SCLT1: variants seen among roughly 807,000 people sequenced by gnomAD.
The protein encoded by SCLT1 is sodium channel-associated protein 1.
A neutral mutation model predicts 112.8 loss-of-function variants in SCLT1; 78 were observed. The observed-to-expected ratio is 0.69, with a 90% CI of 0.58 to 0.83. SCLT1 has a LOEUF of 0.83. Among genes scored for constraint, SCLT1 ranks in the 40% least tolerant of loss-of-function variants. SCLT1 has a pLI of 0.00. For synonymous variants in SCLT1, 257 were observed against 254.7 expected, an observed-to-expected ratio of 1.01 and a Z score of -0.09; for missense variants, 747 against 770.4, an observed-to-expected ratio of 0.97 and a Z score of 0.36.
At chr4:128,968,182 C>T (rs1006940995) in intron 10 of SCLT1, among the ~76,000 whole-genome samples, 21 of 152,114 alleles carry the variant, frequency 1.4e-4, no homozygotes, top group African/African-American at 4.1e-4. Context: ...CATCCCCCTC[C>T]CTTTGGCAGT....
intron 11 of SCLT1, among the ~76,000 whole-genome samples, chr4:128,964,143 C>T (rs2218814): frequency 0.73 from 111,486 of 152,056 alleles, 41,798 homozygotes; most frequent in African/African-American, 0.9. Context: ...ACCAGTGTCC[C>T]ATACTCAACA....
Position 128,992,227 on chromosome 4 carries a change from T to C in SCLT1, c.626A>G (p.Gln209Arg), listed in dbSNP as rs777011502. The change falls in exon 9 of 21, where the codon CAG becomes CGG. Residue 209 changes from glutamine to arginine, a missense_variant. Physicochemically the swap from Gln to Arg is conservative, Grantham distance 43 (BLOSUM62 1). Coordinates refer to ENST00000281142, the MANE Select transcript of SCLT1 (RefSeq NM_144643.4). Reference protein sequence around the residue: ...TNENMEVTNQQFLKTVTEQSV... With the variant: ...TNENMEVTNQRFLKTVTEQSV... ...TTGTTCAGTTACTGTTTTCAGAAACTGTTGGTTAGTCTGCCACAAGAAAAA... is the reference window on the plus strand; with the variant it reads ...TTGTTCAGTTACTGTTTTCAGAAACCGTTGGTTAGTCTGCCACAAGAAAAA... 2.5e-6 allele frequency: 4 copies of C among 1,597,762 alleles called. No homozygotes were observed. The highest frequency in any genetic ancestry group is 2.7e-5 in the African/African-American group (2 of 74,390).
chr4:128,897,101 A>G (rs1475142044), intron 18 of SCLT1, among the ~76,000 whole-genome samples: 1 of 152,220 alleles, frequency 6.6e-6, no homozygotes, highest in African/African-American at 2.4e-5. Context: ...AACACTCTGC[A>G]GGATATTATC....
intron 17 of SCLT1, among the ~76,000 whole-genome samples, chr4:128,939,293 T>C (rs1286829480): frequency 6.6e-6 from 1 of 152,202 alleles, no homozygotes; most frequent in African/African-American, 2.4e-5. Context: ...ATTTCAACTT[T>C]TGGAACACAG....
intron 6 of SCLT1, among the ~76,000 whole-genome samples, chr4:129,002,399 AG>A (rs1406805668): frequency 2.0e-5 from 3 of 152,112 alleles, no homozygotes; most frequent in Non-Finnish European, 2.9e-5. Context: ...TTACTATGAG[AG>A]AAAAAGAAAA....
chr4:129,061,527 T>C (rs1198870427), intron 2 of SCLT1, among the ~76,000 whole-genome samples: 2 of 152,060 alleles, frequency 1.3e-5, no homozygotes, highest in African/African-American at 4.8e-5. Flanking sequence ...TTCTGAGTGG[T>C]CTAAACACCA....
At chr4:128,922,811 C>G (rs1735983408) in intron 18 of SCLT1, among the ~76,000 whole-genome samples, 1 of 152,018 alleles carries the variant, frequency 6.6e-6, no homozygotes, top group East Asian at 1.9e-4. Flanking sequence ...AACAAACCAA[C>G]CAACCAACCC....
chr4:129,015,147 C>T (rs1478636488), intron 5 of SCLT1, among the ~76,000 whole-genome samples: 5 of 152,056 alleles, frequency 3.3e-5, no homozygotes, highest in African/African-American at 1.2e-4. Context: ...TGGTCAGCTA[C>T]CAGAGGGGAG....
intron 5 of SCLT1, among the ~76,000 whole-genome samples, chr4:129,011,464 A>G (rs1337266591): frequency 4.6e-5 from 7 of 152,036 alleles, no homozygotes; most frequent in African/African-American, 1.7e-4. Flanking sequence ...GCATTGGTCT[A>G]TGTGCCTGTT....
At chr4:128,992,869 T>C (rs936483602) in intron 8 of SCLT1, among the ~76,000 whole-genome samples, 4 of 152,040 alleles carry the variant, frequency 2.6e-5, no homozygotes, top group African/African-American at 4.8e-5. Context: ...CTTCTAGATG[T>C]AGAAAAACTT....
At chr4:128,995,329 T>C (rs542640737) in intron 8 of SCLT1, among the ~76,000 whole-genome samples, 1 of 152,294 alleles carries the variant, frequency 6.6e-6, no homozygotes, top group East Asian at 1.9e-4. Context: ...ATATTTTTTC[T>C]CTGTTGCAAC....
intron 2 of SCLT1, among the ~76,000 whole-genome samples, chr4:129,063,454 T>G (rs1223672775): frequency 6.6e-6 from 1 of 152,212 alleles, no homozygotes; most frequent in Non-Finnish European, 1.5e-5. Context: ...ATGTTTTTTT[T>G]GTGGGGGTAG....
chr4:129,012,009 GTTTT>G (rs369565845), intron 5 of SCLT1, among the ~76,000 whole-genome samples: 2,515 of 152,126 alleles, frequency 0.017, 76 homozygotes, highest in African/African-American at 0.057. Flanking sequence ...TCTTCTGGAT[GTTTT>G]TTTGTGTCTG....
chr4:129,000,954 A>C lies in SCLT1; in HGVS notation c.427-1160T>G, dbSNP rs545057390. 7.2e-5 allele frequency among the ~76,000 whole-genome samples: 11 copies of C among 151,946 alleles called. No homozygotes were observed. In the East Asian group the frequency reaches 2.1e-3, roughly 29 times the overall value. On this transcript the variant is annotated intron_variant, in intron 6 of 20. Coordinates refer to ENST00000281142, the MANE Select transcript of SCLT1 (RefSeq NM_144643.4). ...ATTAGTTTTGTCTAAAACTTAAAAAAAAAAACAAAAACTGTAGGCTAATTA... is the reference window on the plus strand; with the variant it reads ...ATTAGTTTTGTCTAAAACTTAAAAACAAAAACAAAAACTGTAGGCTAATTA...
intron 9 of SCLT1, 143 bp downstream of exon 9, chr4:128,992,024 C>T (rs1742616935): frequency 1.7e-6 from 1 of 582,310 alleles, no homozygotes; most frequent in East Asian, 2.9e-5. Context: ...CCCATCCTAA[C>T]AGATCATATA....
chr4:128,952,043 A>C (rs968516157), intron 14 of SCLT1, among the ~76,000 whole-genome samples: 5 of 152,074 alleles, frequency 3.3e-5, no homozygotes, highest in African/African-American at 1.2e-4. Context: ...AAGGCGTAAG[A>C]CTCTACTATG....
chr4:129,053,509 T>C (rs1387420640), intron 2 of SCLT1, among the ~76,000 whole-genome samples: 9 of 151,398 alleles, frequency 5.9e-5, no homozygotes, highest in Non-Finnish European at 1.0e-4. Context: ...CTTTTGACCT[T>C]TGTTGGTTTA....
intron 2 of SCLT1, among the ~76,000 whole-genome samples, chr4:129,064,603 C>T (rs1048452546): frequency 6.6e-6 from 1 of 152,096 alleles, no homozygotes; most frequent in Non-Finnish European, 1.5e-5. Context: ...TAGATGTACA[C>T]AGTTAGAGGA....
At chr4:128,901,644 A>C (rs1252811703) in intron 18 of SCLT1, among the ~76,000 whole-genome samples, 2 of 151,960 alleles carry the variant, frequency 1.3e-5, no homozygotes, top group Admixed American at 1.3e-4. Context: ...CACGTTGTAC[A>C]CATGTACCCT....
Sources: allele counts gnomAD v4.1 joint callset (sites outside exome capture counted in the v4.1 genomes callset), GRCh38; gene constraint gnomAD v4.1.1; transcripts MANE v1.5; gene names NCBI Gene and HGNC (gene_info 2026-07-23, HGNC 2026-07-21).